HEATR5A: variants seen among roughly 807,000 people sequenced by gnomAD.
HEATR5A encodes the protein HEAT repeat containing 5A.
HEATR5A carries 178 observed loss-of-function variants against 218.8 expected under a neutral mutation model. The ratio of observed to expected loss-of-function variants is 0.81; its 90% CI spans 0.72 to 0.92. HEATR5A has a LOEUF of 0.92. Ranked by LOEUF, HEATR5A falls within the 40% of genes least tolerant of loss-of-function variation. The pLI is 0.00. For synonymous variants in HEATR5A, 864 were observed against 871.6 expected (o/e 0.99, Z 0.15); for missense variants, 2,420 against 2,418.9 (o/e 1.00, Z -0.01).
rs1375834866 is a variant in HEATR5A, at chr14:31,364,228, A to G, written c.2032T>C (p.Tyr678His). ...TPSVVYRQRL[Y>H]ELLILLPPET... ...GGAGGTAATAAAATCAACAGTTCAT[A>G]AAGTCTTTGTCTATAAACCACTGAC... Residue 678 changes from tyrosine to histidine, a missense_variant, in exon 14 of 36, where the codon TAT (tyrosine) becomes CAT (histidine). By Grantham distance (83) the Tyr-to-His change is moderately conservative (BLOSUM62 2). Coordinates refer to ENST00000543095, the MANE Select transcript of HEATR5A (RefSeq NM_015473.4). 1 of 1,553,094 alleles carries G rather than the reference A, an allele frequency of 6.4e-7. No homozygotes were observed. Among genetic ancestry groups the G allele is most frequent in the Non-Finnish European group, 8.7e-7 (1 of 1,144,974 alleles).
chr14:31,385,022 T>C (rs2030155833), intron 9 of HEATR5A, among the ~76,000 whole-genome samples: 1 of 152,228 alleles, frequency 6.6e-6, no homozygotes, highest in East Asian at 1.9e-4. Flanking sequence ...GTAAGTTTCA[T>C]GTCAAATGCT....
At chr14:31,315,637 G>A (rs1899890141) in intron 27 of HEATR5A, 133 bp downstream of exon 27, 2 of 620,780 alleles carry the variant, frequency 3.2e-6, no homozygotes, top group Admixed American at 3.1e-5. Context: ...TACATCACAT[G>A]TTGGAATTCT....
At chr14:31,399,688 G>C (rs1384599990) in intron 3 of HEATR5A, among the ~76,000 whole-genome samples, 4 of 152,134 alleles carry the variant, frequency 2.6e-5, no homozygotes, top group African/African-American at 7.2e-5. Context: ...AAATTAGCTC[G>C]AAGTGGTGCC....
At chr14:31,317,973 T>C (rs558865203) in intron 26 of HEATR5A, among the ~76,000 whole-genome samples, 32 of 152,266 alleles carry the variant, frequency 2.1e-4, no homozygotes, top group African/African-American at 7.5e-4. Context: ...AGGTCACTCA[T>C]ACAGCACTAT....
intron 16 of HEATR5A, among the ~76,000 whole-genome samples, chr14:31,350,989 C>T (rs771771126): frequency 5.9e-4 from 90 of 152,240 alleles, no homozygotes; most frequent in Non-Finnish European, 1.1e-3. Context: ...CCATGTTGGC[C>T]AGGCTGGTCT....
At position 31,319,212 on chromosome 14, in the gene HEATR5A, G is replaced by C. The variant is rs570700635; in HGVS notation, c.3970-920C>G. On this transcript the variant is annotated intron_variant, in intron 25 of 35. Transcript: ENST00000543095. The stretch of plus-strand genomic sequence containing the variant: ...TTGTCCCCCAGGCTGGAGTGCAATG[G>C]CATGATCTCGGCTCACTGCAACCTC... Among the ~76,000 whole-genome samples, 7 of 152,132 alleles carry C rather than the reference G, an allele frequency of 4.6e-5. No individual in the cohort carries two copies. In the South Asian group the frequency reaches 1.5e-3, roughly 32 times the overall value.
At chr14:31,312,291 T>C (rs1404619926) in intron 28 of HEATR5A, among the ~76,000 whole-genome samples, 1 of 152,180 alleles carries the variant, frequency 6.6e-6, no homozygotes, top group Non-Finnish European at 1.5e-5. Context: ...AACTTAAAGA[T>C]TCTTAATCAA....
At chr14:31,385,607 T>G (rs377234897) in intron 9 of HEATR5A, among the ~76,000 whole-genome samples, 7 of 152,300 alleles carry the variant, frequency 4.6e-5, no homozygotes, top group African/African-American at 1.4e-4. Flanking sequence ...CTAATGGACT[T>G]CTTCCTGGGG....
chr14:31,393,368 G>A (rs554188302), intron 6 of HEATR5A, among the ~76,000 whole-genome samples: 3 of 152,172 alleles, frequency 2.0e-5, no homozygotes, highest in East Asian at 1.9e-4. Flanking sequence ...AAATTTAGCC[G>A]GGGATGGCAG....
At chr14:31,296,133 A>G (rs1899181497) in intron 33 of HEATR5A, 70 bp from the exon 34 acceptor site, 3 of 1,303,814 alleles carry the variant, frequency 2.3e-6, no homozygotes, top group Admixed American at 2.0e-5. Flanking sequence ...AGCTGTCTTC[A>G]GTTTGGTAGT....
intron 11 of HEATR5A, 97 bp downstream of exon 11, chr14:31,380,369 TG>T: frequency 1.4e-6 from 1 of 699,706 alleles, no homozygotes; most frequent in Middle Eastern, 2.5e-4. Flanking sequence ...AATTCTGGTA[TG>T]TATTAAAAGT....
Position 31,318,217 on chromosome 14 carries a change from C to T in HEATR5A, c.4038+7G>A. On this transcript the variant is annotated splice_region_variant and intron_variant, in intron 26 of 35. Transcript: ENST00000543095. ...TATCTCTTAAGCTTCATCTTTTAAC[C>T]ATTTACCTGACATGCTTTGGCAGTG... The T allele has an allele frequency of 6.2e-7, 1 of 1,612,236 alleles. No individual in the cohort carries two copies. The highest frequency in any genetic ancestry group is 1.1e-5 in the South Asian group (1 of 91,042).
In HEATR5A at chr14:31,345,224, TAG is replaced by T. The variant is rs1491281964; in HGVS notation, c.2919_2920del (p.Tyr974LeufsTer24). The T allele has an allele frequency of 4.3e-6, 7 of 1,609,236 alleles. No homozygotes were observed. The highest frequency in any genetic ancestry group is 6.0e-6 in the Non-Finnish European group (7 of 1,175,834). ...AAGGGTAGGTTCCACATGCACATAA[TAG>T]AGTGGGCCAGCAGAATCAATGATCA... On this transcript the variant is annotated frameshift_variant, in exon 20 of 36. Coordinates refer to ENST00000543095, the MANE Select transcript of HEATR5A (RefSeq NM_015473.4). LOFTEE classifies it high-confidence loss of function.
chr14:31,401,950 T>A (rs1363103185), intron 2 of HEATR5A, among the ~76,000 whole-genome samples: 1 of 152,214 alleles, frequency 6.6e-6, no homozygotes, highest in Non-Finnish European at 1.5e-5. Flanking sequence ...GGTATTCAGG[T>A]GCTCAATGAG....
At chr14:31,350,874 C>T (rs1901202183) in intron 16 of HEATR5A, among the ~76,000 whole-genome samples, 157 bp from the exon 17 acceptor site, 1 of 152,196 alleles carries the variant, frequency 6.6e-6, no homozygotes, top group African/African-American at 2.4e-5. Flanking sequence ...ACCTTCCTGG[C>T]TCAAGAGATT....
At chr14:31,355,188 C>A (rs1456014577) in intron 16 of HEATR5A, among the ~76,000 whole-genome samples, 1 of 76,200 alleles carries the variant, frequency 1.3e-5, no homozygotes, top group Non-Finnish European at 3.2e-5. Flanking sequence ...CTGACGGGGG[C>A]AGATCACCTG....
chr14:31,412,017 G>C (rs1051669133), intron 1 of HEATR5A, among the ~76,000 whole-genome samples: 1 of 151,696 alleles, frequency 6.6e-6, no homozygotes, highest in Non-Finnish European at 1.5e-5. Context: ...CACCATGCCC[G>C]GCTAATTTTT....
chr14:31,312,101 T>C (rs1182134152), intron 28 of HEATR5A, among the ~76,000 whole-genome samples: 1 of 152,194 alleles, frequency 6.6e-6, no homozygotes, highest in Admixed American at 6.6e-5. Context: ...GAGGGTAGGC[T>C]GTTTACAGTA....
At chr14:31,390,944 T>C (rs1196470246) in intron 6 of HEATR5A, among the ~76,000 whole-genome samples, 3 of 152,162 alleles carry the variant, frequency 2.0e-5, no homozygotes, top group East Asian at 1.9e-4. Context: ...AACAGCTCCA[T>C]GCGTGTCACT....
Sources: gnomAD v4.1 joint callset for allele counts (sites outside exome capture counted in the v4.1 genomes callset) on GRCh38, gnomAD v4.1.1 for gene constraint, MANE v1.5 for transcripts, NCBI Gene and HGNC (gene_info 2026-07-23, HGNC 2026-07-21) for gene names.